RORA: variants seen among roughly 807,000 people sequenced by gnomAD.
RORA encodes the protein RAR related orphan receptor A.
Under a neutral mutation model 69.5 loss-of-function variants are expected in RORA, and 7 were observed. That is an observed-to-expected ratio of 0.10 (90% confidence interval 0.06 to 0.19). RORA has a LOEUF of 0.19. Among genes scored for constraint, RORA ranks in the 10% least tolerant of loss-of-function variants. The pLI, the probability that RORA is intolerant of heterozygous loss-of-function variation, is 1.00. For synonymous variants in RORA, 261 were observed against 240.8 expected (o/e 1.08, Z -0.78); for missense variants, 457 against 663.0 (o/e 0.69, Z 3.41).
Position 61,012,892 on chromosome 15 carries a change from C to T in RORA, c.166+216161G>A, listed in dbSNP as rs144429480. On this transcript the variant is annotated intron_variant, in intron 1 of 10. Coordinates refer to ENST00000335670, the MANE Select transcript of RORA (RefSeq NM_134261.3). ...CTTGAACTCCTCAGCTCAAGTGATC[C>T]GCCTGCCTTGGCCTCCCAAAATGCT... is the stretch of plus-strand genomic sequence containing the variant. Among the ~76,000 whole-genome samples, 101 of 152,272 alleles carry T rather than the reference C, an allele frequency of 6.6e-4. 1 individual carries two copies. In the East Asian group the frequency reaches 0.018, roughly 27 times the overall value.
At chr15:60,687,425 C>T (rs1032804622) in intron 1 of RORA, among the ~76,000 whole-genome samples, 19 of 152,136 alleles carry the variant, frequency 1.2e-4, no homozygotes, top group Admixed American at 5.2e-4. Flanking sequence ...CCTCTGATTA[C>T]AGAACTTTAG....
At chr15:61,059,982 G>GAAGAA (rs1555406760) in intron 1 of RORA, among the ~76,000 whole-genome samples, 70 of 77,420 alleles carry the variant, frequency 9.0e-4, no homozygotes, top group African/African-American at 2.4e-3. Context: ...AAGAGGAAGA[G>GAAGAA]GAAGAGGAAG....
At chr15:60,742,789 T>C (rs1024817958) in intron 1 of RORA, among the ~76,000 whole-genome samples, 7 of 152,182 alleles carry the variant, frequency 4.6e-5, no homozygotes, top group Non-Finnish European at 8.8e-5. Flanking sequence ...GGTCCATCCA[T>C]GTTGTTGCAA....
intron 1 of RORA, among the ~76,000 whole-genome samples, chr15:60,898,525 AAAT>A (rs1891294741): frequency 7.1e-6 from 1 of 140,574 alleles, no homozygotes; most frequent in Non-Finnish European, 1.5e-5. Flanking sequence ...ATAAATAAAT[AAAT>A]AAATAAATAA....
At chr15:60,760,124 C>T (rs1315809626) in intron 1 of RORA, among the ~76,000 whole-genome samples, 2 of 151,536 alleles carry the variant, frequency 1.3e-5, no homozygotes, top group African/African-American at 4.8e-5. Context: ...TCATTAGAAG[C>T]TCTCTGAGCT....
At chr15:60,867,718 T>C (rs544858199) in intron 1 of RORA, among the ~76,000 whole-genome samples, 115 of 152,340 alleles carry the variant, frequency 7.5e-4, no homozygotes, top group African/African-American at 2.7e-3. Context: ...CCAGGATCTC[T>C]TGATATTCTC....
At position 60,494,108 on chromosome 15, in the gene RORA, A is replaced by C. The variant is rs539722646; in HGVS notation, c.*3347T>G. The stretch of plus-strand genomic sequence containing the variant: ...TAAGTCATGTTTTTCTTAAGTTAGA[A>C]AGGGTGAATTAGGATGCTGAAGACT... On this transcript the variant is annotated 3_prime_UTR_variant, in exon 11 of 11. Coordinates refer to ENST00000335670, the MANE Select transcript of RORA (RefSeq NM_134261.3). 3 of 152,006 alleles carry C rather than the reference A, an allele frequency of 2.0e-5. No individual in the cohort carries two copies. In the East Asian group the frequency reaches 5.8e-4, roughly 29 times the overall value. The allele number at this position is 152,006 out of a possible 1,614,324, so 9.4% of individuals were successfully genotyped here.
At chr15:60,995,332 G>C (rs531968786) in intron 1 of RORA, among the ~76,000 whole-genome samples, 1 of 152,306 alleles carries the variant, frequency 6.6e-6, no homozygotes, top group South Asian at 2.1e-4. Flanking sequence ...CCTCAGGTGT[G>C]GCAGCTGAGC....
intron 1 of RORA, among the ~76,000 whole-genome samples, chr15:61,179,126 C>A (rs2079658524): frequency 6.6e-6 from 1 of 152,196 alleles, no homozygotes; most frequent in Non-Finnish European, 1.5e-5. Flanking sequence ...CTTTTCAAGG[C>A]ACCTCCAGGA....
At chr15:61,019,777 T>C (rs1895439592) in intron 1 of RORA, among the ~76,000 whole-genome samples, 1 of 152,196 alleles carries the variant, frequency 6.6e-6, no homozygotes, top group Admixed American at 6.5e-5. Context: ...TCTTCCCTCC[T>C]GATGGGGTTC....
rs938131970 is a variant in RORA, at chr15:60,854,199, T to C, written c.167-175513A>G. 7.2e-5 allele frequency among the ~76,000 whole-genome samples: 11 copies of C among 152,080 alleles called. No individual in the cohort carries two copies. The South Asian group carries it at 8.3e-4, about 11-fold the overall frequency. On this transcript the variant is annotated intron_variant, in intron 1 of 10. Coordinates refer to ENST00000335670, the MANE Select transcript of RORA (RefSeq NM_134261.3). ...ATCGCTTGAACCCAGGAGGCAGAGA[T>C]TGCAGTGAGCCAAGATTGCACCACT...
intron 1 of RORA, among the ~76,000 whole-genome samples, chr15:60,679,376 A>C (rs2070607821): frequency 6.6e-6 from 1 of 152,224 alleles, no homozygotes; most frequent in African/African-American, 2.4e-5. Flanking sequence ...ATTTATAGGT[A>C]GCAGGTGACA....
chr15:60,743,121 T>A (rs1442725366), intron 1 of RORA, among the ~76,000 whole-genome samples: 1 of 151,688 alleles, frequency 6.6e-6, no homozygotes, highest in African/African-American at 2.4e-5. Context: ...TTCAAGTGAT[T>A]CTTGTGCCTC....
intron 1 of RORA, among the ~76,000 whole-genome samples, chr15:61,087,230 G>A (rs1555409510): frequency 6.6e-6 from 1 of 152,088 alleles, no homozygotes; most frequent in Non-Finnish European, 1.5e-5. Flanking sequence ...GCCCTACACA[G>A]AAAAAATACT....
intron 1 of RORA, among the ~76,000 whole-genome samples, chr15:60,782,248 T>C (rs984736261): frequency 3.3e-5 from 5 of 151,888 alleles, no homozygotes; most frequent in African/African-American, 1.2e-4. Context: ...AAAAAAGAAA[T>C]GCCCGTTGCA....
intron 1 of RORA, among the ~76,000 whole-genome samples, chr15:61,073,199 A>G (rs987834576): frequency 2.0e-5 from 3 of 152,166 alleles, no homozygotes; most frequent in African/African-American, 7.2e-5. Context: ...GGCTCCTCTG[A>G]GCAGTTCCTT....
At chr15:60,657,785 G>A (rs2070244087) in intron 2 of RORA, among the ~76,000 whole-genome samples, 1 of 152,200 alleles carries the variant, frequency 6.6e-6, no homozygotes, top group Non-Finnish European at 1.5e-5. Flanking sequence ...CTTGGACACA[G>A]ATAAATTGCC....
At chr15:61,106,790 T>C (rs2078953672) in intron 1 of RORA, among the ~76,000 whole-genome samples, 1 of 152,222 alleles carries the variant, frequency 6.6e-6, no homozygotes, top group African/African-American at 2.4e-5. Context: ...CAAGGGCCCT[T>C]GAATCTTCTG....
chr15:61,090,355 C>T (rs542620225), intron 1 of RORA, among the ~76,000 whole-genome samples: 1 of 152,276 alleles, frequency 6.6e-6, no homozygotes, highest in Admixed American at 6.5e-5. Flanking sequence ...AATCAAGGTG[C>T]CCCTCTGTGA....
Sources: allele counts gnomAD v4.1 joint callset (sites outside exome capture counted in the v4.1 genomes callset), GRCh38; gene constraint gnomAD v4.1.1; transcripts MANE v1.5; gene names NCBI Gene and HGNC (gene_info 2026-07-23, HGNC 2026-07-21).